Variants in BLK observed in about 807,000 individuals in gnomAD.
BLK encodes the protein tyrosine-protein kinase Blk.
A neutral mutation model predicts 61.8 loss-of-function variants in BLK; 64 were observed. The observed-to-expected ratio is 1.03, with a 90% CI of 0.85 to 1.27. BLK has a LOEUF of 1.27. Ranked by LOEUF, BLK falls within the 50% of genes most tolerant of loss-of-function variation. The probability of loss-of-function intolerance (pLI) is 0.00; values close to 1 mark genes in which losing one functional copy is unlikely to be tolerated. For synonymous variants in BLK, 351 were observed against 272.0 expected (o/e 1.29, Z -2.86); for missense variants, 853 against 660.5 (o/e 1.29, Z -3.19).
At chr8:11,537,693 T>A in intron 1 of BLK, among the ~76,000 whole-genome samples, 1 of 152,118 alleles carries the variant, frequency 6.6e-6, no homozygotes, top group East Asian at 1.9e-4. Context: ...AGTGGTAAAA[T>A]GAGGATAACT....
rs866807537 is a variant in BLK, at chr8:11,550,173, C to T, written c.383C>T (p.Ser128Leu). The T allele has an allele frequency of 1.2e-6, 2 of 1,613,608 alleles. No homozygotes were observed. Among genetic ancestry groups the T allele is most frequent in the Middle Eastern group, 1.7e-4 (1 of 6,050 alleles). The change falls in exon 6 of 13, where the codon TCA (serine) becomes TTA (leucine). Residue 128 changes from serine to leucine, a missense_variant. Ser to Leu is a moderately radical substitution (Grantham distance 145, BLOSUM62 -2). Coordinates refer to ENST00000259089, the MANE Select transcript of BLK (RefSeq NM_001715.3). ...CCGTTTTCCAGGTGGTTCTTTAGAT[C>T]ACAGGGTCGGAAGGAGGCTGAGAGG... ...SLEMERWFFR[S>L]QGRKEAERQL...
Position 11,561,011 on chromosome 8 carries a change from C to T in BLK, c.1030-291C>T, listed in dbSNP as rs553800724. 1.8e-5 allele frequency: 11 copies of T among 603,684 alleles called. No individual in the cohort carries two copies. The African/African-American group carries it at 2.0e-4, about 11-fold the overall frequency. The allele number at this position is 603,684 out of a possible 1,614,324, so 37.4% of individuals were successfully genotyped here. A position where few individuals can be genotyped will look rare whatever the true frequency, so the allele number is the denominator to read the frequency against. On this transcript the variant is annotated intron_variant, in intron 10 of 12. Coordinates refer to ENST00000259089, the MANE Select transcript of BLK (RefSeq NM_001715.3). ...CTCCTTTTCTCCTGCCTGTGTTCTT[C>T]TATCTTCCATCTCTGCAGACCCTTG...
intron 1 of BLK, among the ~76,000 whole-genome samples, chr8:11,511,306 GC>G: frequency 6.6e-6 from 1 of 152,150 alleles, no homozygotes; most frequent in Admixed American, 6.5e-5. Context: ...GGTGGGGAGA[GC>G]GGGGAGGGAT....
At chr8:11,541,480 C>A (rs562306613) in intron 1 of BLK, among the ~76,000 whole-genome samples, 14 of 150,472 alleles carry the variant, frequency 9.3e-5, no homozygotes, top group African/African-American at 3.4e-4. Flanking sequence ...AGCCGCAATA[C>A]AAACCCATCG....
At chr8:11,546,134 C>T (rs2244938) in intron 3 of BLK, 31 bp downstream of exon 3, 2 of 1,612,498 alleles carry the variant, frequency 1.2e-6, no homozygotes, top group Non-Finnish European at 8.5e-7. Flanking sequence ...AGCTGAGGCT[C>T]CACAGCCCTC....
Position 11,556,807 on chromosome 8 carries a change from A to C in BLK, c.922A>C (p.Ile308Leu). The C allele has an allele frequency of 6.2e-7, 1 of 1,614,174 alleles. No homozygotes were observed. The highest frequency in any genetic ancestry group is 8.5e-7 in the Non-Finnish European group (1 of 1,180,014). ...CTACGCAGTGGTCACCAAGGAGCCCATCTACATTGTCACCGAGTACATGGC... is the reference window on the plus strand; with the variant it reads ...CTACGCAGTGGTCACCAAGGAGCCCCTCTACATTGTCACCGAGTACATGGC... ...RLYAVVTKEPIYIVTEYMARG... is the reference protein window; with the variant it reads ...RLYAVVTKEPLYIVTEYMARG... The change falls in exon 9 of 13, where the codon ATC becomes CTC. Residue 308 changes from isoleucine to leucine, a missense_variant. Coordinates refer to ENST00000259089, the MANE Select transcript of BLK (RefSeq NM_001715.3).
At chr8:11,535,320 GAAAGA>G (rs1800088927) in intron 1 of BLK, among the ~76,000 whole-genome samples, 2 of 115,234 alleles carry the variant, frequency 1.7e-5, no homozygotes, top group South Asian at 6.8e-4. Flanking sequence ...AAGAAAGAAA[GAAAGA>G]GAAGGAAAAG....
intron 1 of BLK, among the ~76,000 whole-genome samples, chr8:11,515,040 G>A (rs906638949): frequency 6.6e-6 from 1 of 152,142 alleles, no homozygotes; most frequent in Non-Finnish European, 1.5e-5. Context: ...CTGCTGCTCT[G>A]AGATTCTTCC....
chr8:11,501,839 T>C (rs977083164), intron 1 of BLK, among the ~76,000 whole-genome samples: 1 of 152,240 alleles, frequency 6.6e-6, no homozygotes, highest in Non-Finnish European at 1.5e-5. Flanking sequence ...GCAGCCTTAG[T>C]GCCATGAGCG....
At chr8:11,526,892 C>G (rs1799676769) in intron 1 of BLK, among the ~76,000 whole-genome samples, 1 of 152,044 alleles carries the variant, frequency 6.6e-6, no homozygotes. Flanking sequence ...ATAGAGAAGG[C>G]CATCTGATAC....
In BLK at chr8:11,563,126, C is replaced by T. The variant is rs1585426152; in HGVS notation, c.1312+16C>T. ...CCATACCCAGGTAGGTGGCTCACCCCGCAGCTCGCGGCTCCCTGCTTTCCC... is the reference window on the plus strand; with the variant it reads ...CCATACCCAGGTAGGTGGCTCACCCTGCAGCTCGCGGCTCCCTGCTTTCCC... On this transcript the variant is annotated intron_variant, in intron 12 of 12. Transcript: ENST00000259089. 2.5e-6 allele frequency: 4 copies of T among 1,613,520 alleles called. No homozygotes were observed. The highest frequency in any genetic ancestry group is 1.3e-5 in the African/African-American group (1 of 75,070).
At chr8:11,547,993 G>C (rs1800720351) in intron 3 of BLK, 39 bp from the exon 4 acceptor site, 2 of 1,567,566 alleles carry the variant, frequency 1.3e-6, no homozygotes, top group African/African-American at 2.7e-5. Context: ...TCCCGCTTGT[G>C]GGCCTGAGTG....
At chr8:11,563,870 C>T (rs1183306409) in intron 12 of BLK, 33 bp from the exon 13 acceptor site, 2 of 1,590,462 alleles carry the variant, frequency 1.3e-6, no homozygotes, top group Non-Finnish European at 1.7e-6. Flanking sequence ...GACCCCAGCC[C>T]CTCACCCCCG....
In BLK at chr8:11,525,313, T is replaced by C. The variant is rs189642678; in HGVS notation, c.-1-17911T>C. Among the ~76,000 whole-genome samples the C allele has an allele frequency of 1.1e-3, 163 of 152,326 alleles. 2 individuals carry two copies. Among genetic ancestry groups the C allele is most frequent in the African/African-American group, 3.8e-3 (157 of 41,590 alleles). On this transcript the variant is annotated intron_variant, in intron 1 of 12. Coordinates refer to ENST00000259089, the MANE Select transcript of BLK (RefSeq NM_001715.3). ...TCCTTCAGAGGTACTTAAAGCAAAA[T>C]GTAAAGTCCTCTTATCCCTTTGTGA...
chr8:11,510,812 A>ATAC (rs1798971936), intron 1 of BLK, among the ~76,000 whole-genome samples: 1 of 141,960 alleles, frequency 7.0e-6, no homozygotes, highest in Non-Finnish European at 1.6e-5. Flanking sequence ...TAAATAAATA[A>ATAC]ATAAATACAT....
At chr8:11,556,100 C>G in intron 8 of BLK, 1 of 229,402 alleles carries the variant, frequency 4.4e-6, no homozygotes, top group Non-Finnish European at 8.6e-6. Flanking sequence ...TTGGCAGGAG[C>G]TGTACCCAGG....
intron 1 of BLK, among the ~76,000 whole-genome samples, chr8:11,515,835 CT>C (rs1272263171): frequency 1.3e-5 from 2 of 152,180 alleles, no homozygotes; most frequent in Non-Finnish European, 2.9e-5. Flanking sequence ...CAGGGAATTG[CT>C]TTAGTTGTTC....
At chr8:11,546,000 C>A (rs1254137282) in intron 2 of BLK, 52 bp from the exon 3 acceptor site, 2 of 1,594,498 alleles carry the variant, frequency 1.3e-6, no homozygotes, top group Non-Finnish European at 1.7e-6. Context: ...CCCCCAGGCC[C>A]CACCCACGCA....
intron 1 of BLK, among the ~76,000 whole-genome samples, chr8:11,504,367 G>GAAAGA (rs55809628): frequency 0.083 from 3,246 of 39,190 alleles, 96 homozygotes; most frequent in Non-Finnish European, 0.14. Context: ...AAGGAAGGAA[G>GAAAGA]AAAGAAAAGA....
Sources: gnomAD v4.1 joint callset for allele counts (sites outside exome capture counted in the v4.1 genomes callset) on GRCh38, gnomAD v4.1.1 for gene constraint, MANE v1.5 for transcripts, NCBI Gene and HGNC (gene_info 2026-07-23, HGNC 2026-07-21) for gene names.